Variants in LMTK3 observed in about 807,000 individuals in gnomAD.
LMTK3 encodes serine/threonine-protein kinase LMTK3.
LMTK3 carries 27 observed loss-of-function variants against 116.7 expected under a neutral mutation model. The observed-to-expected ratio is 0.23, with a 90% CI of 0.17 to 0.32. The LOEUF is 0.32. Ranked by LOEUF, LMTK3 falls within the 10% of genes least tolerant of loss-of-function variation. LMTK3 has a pLI of 1.00. For synonymous variants in LMTK3, 965 were observed against 971.0 expected, an observed-to-expected ratio of 0.99 and a Z score of 0.11; for missense variants, 1,764 against 2,068.5, an observed-to-expected ratio of 0.85 and a Z score of 2.86.
intron 4 of LMTK3, among the ~76,000 whole-genome samples, 158 bp from the exon 5 acceptor site, chr19:48,509,127 A>T (rs1972615938): frequency 6.6e-6 from 1 of 152,140 alleles, no homozygotes; most frequent in Non-Finnish European, 1.5e-5. Flanking sequence ...ATGGGGTGAG[A>T]CACTCACGGG....
chr19:48,499,039 G>A lies in LMTK3; in HGVS notation c.2030C>T (p.Ala677Val), dbSNP rs752817089. Residue 677 changes from alanine to valine, a missense_variant, in exon 11 of 15, where the codon GCC (alanine) becomes GTC (valine). By Grantham distance (64) the Ala-to-Val change is moderately conservative. Around this residue, in one of 7 missense-constraint regions of LMTK3, gnomAD observed 1,028 missense variants for 1,050.6 expected, o/e 0.98. Transcript: ENST00000600059. ...CCGCTCCAGTGGCAGGCAGGAGCAG[G>A]CCCCCTCGCGGCTGCACAGGGGACA... ...LPCPLCSREG[A>V]CSCLPLERGD... The A allele has an allele frequency of 3.1e-5, 47 of 1,493,596 alleles. No homozygotes were observed. The Admixed American group carries it at 9.4e-4, about 30-fold the overall frequency. The allele number at this position is 1,493,596 out of a possible 1,614,324, so 92.5% of individuals were successfully genotyped here. A position where few individuals can be genotyped will look rare whatever the true frequency, so the allele number is the denominator to read the frequency against.
intron 5 of LMTK3, among the ~76,000 whole-genome samples, 155 bp from the exon 6 acceptor site, chr19:48,503,151 G>A (rs1003251963): frequency 5.9e-5 from 9 of 152,164 alleles, no homozygotes; most frequent in African/African-American, 9.7e-5. Context: ...TCGCCCAGGC[G>A]GGAGTCCTGC....
Position 48,497,299 on chromosome 19 carries a change from C to A in LMTK3, c.3676+94G>T. The A allele has an allele frequency of 1.5e-6, 2 of 1,325,112 alleles. No individual in the cohort carries two copies. Among genetic ancestry groups the A allele is most frequent in the African/African-American group, 1.5e-5 (1 of 65,744 alleles). The allele number at this position is 1,325,112 out of a possible 1,614,324, so 82.1% of individuals were successfully genotyped here. On this transcript the variant is annotated intron_variant, in intron 11 of 14. Coordinates refer to ENST00000600059, the MANE Select transcript of LMTK3 (RefSeq NM_001388485.1). The surrounding 1 kb of genome is among the most constrained non-coding windows in gnomAD (Gnocchi z 5.7). ...GCTTCAGGACCTGCATTCATCACTGCCAGCCCGACCCGACATGTTTACCCA... is the reference window on the plus strand; with the variant it reads ...GCTTCAGGACCTGCATTCATCACTGACAGCCCGACCCGACATGTTTACCCA...
intron 5 of LMTK3, among the ~76,000 whole-genome samples, chr19:48,508,361 G>A (rs1972603636): frequency 6.6e-6 from 1 of 152,094 alleles, no homozygotes; most frequent in Non-Finnish European, 1.5e-5. Context: ...GAATTTATCT[G>A]GCAAATGGAT....
Position 48,509,501 on chromosome 19 carries a change from G to T in LMTK3, c.374C>A (p.Pro125His). The T allele has an allele frequency of 6.4e-7, 1 of 1,556,862 alleles. No homozygotes were observed. Among genetic ancestry groups the T allele is most frequent in the African/African-American group, 1.4e-5 (1 of 73,536 alleles). ...CAGGTGCTGCCGGCTAAGGCCCAGG[G>T]GGGTGGTCATGTCTGGGGAGGGCAA... Reference protein sequence around the residue: ...PQPSHSDMTTPLGLSRQHLSY... With the variant: ...PQPSHSDMTTHLGLSRQHLSY... Residue 125 changes from proline (P) to histidine (H), a missense_variant, in exon 4 of 15, where the codon CCC becomes CAC. By Grantham distance (77) the Pro-to-His change is moderately conservative (BLOSUM62 -2). Coordinates refer to ENST00000600059, the MANE Select transcript of LMTK3 (RefSeq NM_001388485.1).
At chr19:48,512,633 A>G (rs906172929), upstream of LMTK3, among the ~76,000 whole-genome samples, 1 of 152,100 alleles carries the variant, frequency 6.6e-6, no homozygotes, top group Non-Finnish European at 1.5e-5. Context: ...ACACAGAGAC[A>G]GGCACATCAC....
Position 48,491,349 on chromosome 19 carries a change from G to A in LMTK3, c.4228+55C>T. The A allele has an allele frequency of 2.5e-5, 8 of 316,894 alleles. No homozygotes were observed. Among genetic ancestry groups the A allele is most frequent in the South Asian group, 7.8e-5 (2 of 25,502 alleles). 19.6% of individuals were successfully genotyped at this position (316,894 alleles called of 1,614,324 possible). On this transcript the variant is annotated intron_variant, in intron 13 of 14. Transcript: ENST00000600059. The surrounding 1 kb of genome is among the most constrained non-coding windows in gnomAD (Gnocchi z 5.1). ...AAGCCCCTCCCACCCCATAGACCCC[G>A]CCCCGTCCGCCCCATGGCTCCCGCC...
At chr19:48,510,418 G>A (rs1274829484) in intron 2 of LMTK3, 41 bp downstream of exon 2, 1 of 1,572,960 alleles carries the variant, frequency 6.4e-7, no homozygotes, top group Admixed American at 1.9e-5. Context: ...AGGCCTTGCT[G>A]GAGTCTTCCT....
intron 5 of LMTK3, among the ~76,000 whole-genome samples, chr19:48,505,520 T>A (rs892134149): frequency 6.6e-6 from 1 of 151,812 alleles, no homozygotes; most frequent in Non-Finnish European, 1.5e-5. Context: ...AACCTAGAAG[T>A]TTGAGACCAG....
rs1285817493 is a variant in LMTK3 at position 48,497,288 on chromosome 19, A to G, written c.3676+105T>C. On this transcript the variant is annotated intron_variant, in intron 11 of 14. Transcript: ENST00000600059. The surrounding 1 kb of genome is among the most constrained non-coding windows in gnomAD (Gnocchi z 5.7). ...AGGTGGTGCAGGCTTCAGGACCTGCATTCATCACTGCCAGCCCGACCCGAC... is the reference window on the plus strand; with the variant it reads ...AGGTGGTGCAGGCTTCAGGACCTGCGTTCATCACTGCCAGCCCGACCCGAC... The G allele has an allele frequency of 4.0e-5, 51 of 1,260,088 alleles. No homozygotes were observed. The highest frequency in any genetic ancestry group is 5.3e-5 in the Non-Finnish European group (51 of 971,036). The allele number at this position is 1,260,088 out of a possible 1,614,324, so 78.1% of individuals were successfully genotyped here.
chr19:48,513,423 G>T, upstream of LMTK3: 1 of 560,424 alleles, frequency 1.8e-6, no homozygotes, highest in Non-Finnish European at 3.2e-6. The surrounding 1 kb of genome is among the most constrained non-coding windows in gnomAD (Gnocchi z 5.6). Context: ...GCAAAGCTGG[G>T]ACTGGAACCC....
At chr19:48,495,397 G>C (rs945331699) in intron 11 of LMTK3, among the ~76,000 whole-genome samples, 1 of 152,182 alleles carries the variant, frequency 6.6e-6, no homozygotes, top group African/African-American at 2.4e-5. Context: ...CTGGAAAGGG[G>C]AAATTTGGGG....
chr19:48,508,590 G>A (rs1229634303), intron 5 of LMTK3, among the ~76,000 whole-genome samples: 1 of 152,144 alleles, frequency 6.6e-6, no homozygotes, highest in Non-Finnish European at 1.5e-5. Context: ...TCACTTTCCA[G>A]ATGAAGATCC....
chr19:48,489,551 C>T (rs563102464), intron 14 of LMTK3, among the ~76,000 whole-genome samples: 5 of 152,212 alleles, frequency 3.3e-5, no homozygotes, highest in Non-Finnish European at 5.9e-5. Flanking sequence ...TCGGCTTGGG[C>T]GACGAGCAAA....
intron 14 of LMTK3, among the ~76,000 whole-genome samples, chr19:48,486,946 A>T (rs879825780): frequency 1.3e-5 from 2 of 150,608 alleles, no homozygotes; most frequent in African/African-American, 2.5e-5. Context: ...ACTTGCTGAA[A>T]CCTTCGCCTC....
chr19:48,489,298 C>T (rs1331526034), intron 14 of LMTK3, among the ~76,000 whole-genome samples: 4 of 152,192 alleles, frequency 2.6e-5, no homozygotes, highest in Middle Eastern at 3.4e-3. Flanking sequence ...CTAATGGGGC[C>T]GGGCATGGTG....
chr19:48,511,506 T>G lies in LMTK3; in HGVS notation c.71A>C (p.His24Pro). 2.2e-6 allele frequency: 3 copies of G among 1,370,062 alleles called. No homozygotes were observed. The highest frequency in any genetic ancestry group is 2.9e-6 in the Non-Finnish European group (3 of 1,048,522). 84.9% of individuals were successfully genotyped at this position (1,370,062 alleles called of 1,614,324 possible). The change falls in exon 1 of 15, where the codon CAC becomes CCC. Residue 24 changes from histidine (H) to proline (P), a missense_variant. Coordinates refer to ENST00000600059, the MANE Select transcript of LMTK3 (RefSeq NM_001388485.1). ...SASGCLASPA[H>P]PDGFALGRAP... ...TGATGGCCCGACAGACTCACCGGGGTGGGCCGGGGACGCCAGGCAGCCGGA... is the reference window on the plus strand; with the variant it reads ...TGATGGCCCGACAGACTCACCGGGGGGGGCCGGGGACGCCAGGCAGCCGGA...
Position 48,510,598 on chromosome 19 carries a change from G to T in LMTK3, c.77-6C>A. ...CCGGCCCAGGGCGAATCCATCTGTG[G>T]GCACAGGGCTGGGCTGGGGTCCCAG... On this transcript the variant is annotated splice_polypyrimidine_tract_variant and splice_region_variant and intron_variant, in intron 1 of 14. Transcript: ENST00000600059. 1 of 1,567,750 alleles carries T rather than the reference G, an allele frequency of 6.4e-7. No individual in the cohort carries two copies. The highest frequency in any genetic ancestry group is 2.1e-5 in the Admixed American group (1 of 48,746).
At chr19:48,489,264 A>C (rs903752802) in intron 14 of LMTK3, among the ~76,000 whole-genome samples, 1 of 152,230 alleles carries the variant, frequency 6.6e-6, no homozygotes, top group Non-Finnish European at 1.5e-5. Flanking sequence ...TAAGTGCAGT[A>C]ATAGCTAATA....
Sources: gnomAD v4.1 joint callset for allele counts (sites outside exome capture counted in the v4.1 genomes callset) on GRCh38, gnomAD v4.1.1 for gene constraint, gnomAD v4.1.1 regional missense constraint, Gnocchi (gnomAD v3.1) non-coding constraint, MANE v1.5 for transcripts, NCBI Gene and HGNC (gene_info 2026-07-23, HGNC 2026-07-21) for gene names.